Variants in PTGS1 observed in about 807,000 individuals in gnomAD.
PTGS1 encodes the protein prostaglandin-endoperoxide synthase 1.
In PTGS1, 40 loss-of-function variants were observed where a neutral mutation model predicts 63.0. The observed-to-expected ratio is 0.63, with a 90% CI of 0.49 to 0.83. The LOEUF (loss-of-function observed/expected upper bound fraction) is 0.83, where lower values mean the gene tolerates loss of function less well. Ranked by LOEUF, PTGS1 falls within the 40% of genes least tolerant of loss-of-function variation. The pLI is 0.00. For missense variants in PTGS1, 709 were observed against 786.5 expected (o/e 0.90, Z 1.18); for synonymous variants, 298 against 301.9 (o/e 0.99, Z 0.13).
chr9:122,375,161 C>G (rs1237602597), intron 2 of PTGS1, among the ~76,000 whole-genome samples: 1 of 150,074 alleles, frequency 6.7e-6, no homozygotes, highest in Non-Finnish European at 1.5e-5. Context: ...CCTGGGAGAA[C>G]TTTTCCTGCC....
intron 8 of PTGS1, among the ~76,000 whole-genome samples, chr9:122,384,368 C>T (rs1837740470): frequency 6.6e-6 from 1 of 152,168 alleles, no homozygotes; most frequent in African/African-American, 2.4e-5. Context: ...ACTCCCTTCC[C>T]CCACCTCTGG....
chr9:122,392,570 G>C lies in PTGS1; in HGVS notation c.*26G>C. On this transcript the variant is annotated 3_prime_UTR_variant, in exon 11 of 11. Transcript: ENST00000362012. ...GGGGCAGGAAAGCAGCATTCTGGAG[G>C]GGAGAGCTTTGTGCTTGTCATTCCA... 1.3e-6 allele frequency: 2 copies of C among 1,592,044 alleles called. No homozygotes were observed. The highest frequency in any genetic ancestry group is 1.7e-6 in the Non-Finnish European group (2 of 1,164,904).
chr9:122,383,614 G>A lies in PTGS1; in HGVS notation c.868G>A (p.Val290Met). The stretch of plus-strand genomic sequence containing the variant: ...GAGCCAGATGGCTGTGGGCCAGGAG[G>A]TGTTTGGGCTGCTTCCTGGGCTCAT... ...PQSQMAVGQE[V>M]FGLLPGLMLY... is the part of the protein sequence containing the mutation. The change falls in exon 8 of 11, where the codon GTG becomes ATG. Residue 290 changes from valine to methionine, a missense_variant. Transcript: ENST00000362012. 1 of 1,614,188 alleles carries A rather than the reference G, an allele frequency of 6.2e-7. No individual in the cohort carries two copies. The highest frequency in any genetic ancestry group is 8.5e-7 in the Non-Finnish European group (1 of 1,180,024).
rs766291103 is a variant in PTGS1, at chr9:122,378,591, C to T, written c.352+18C>T. 1 of 1,613,994 alleles carries T rather than the reference C, an allele frequency of 6.2e-7. No individual in the cohort carries two copies. The highest frequency in any genetic ancestry group is 2.2e-5 in the East Asian group (1 of 44,886). On this transcript the variant is annotated intron_variant, in intron 4 of 10. Transcript: ENST00000362012. ...ACTCACAGGTGGGTGTGGGGCAGGGCCCCCTGACCTGGGGGAGCAAGCAAG... is the reference window on the plus strand; with the variant it reads ...ACTCACAGGTGGGTGTGGGGCAGGGTCCCCTGACCTGGGGGAGCAAGCAAG...
At chr9:122,376,444 A>C (rs1837169398) in intron 2 of PTGS1, among the ~76,000 whole-genome samples, 2 of 151,456 alleles carry the variant, frequency 1.3e-5, no homozygotes, top group African/African-American at 4.8e-5. Flanking sequence ...TCTGCTGCCC[A>C]GGTCAAGCCC....
At chr9:122,371,128 T>G in intron 1 of PTGS1, 37 bp downstream of exon 1, 2 of 1,606,304 alleles carry the variant, frequency 1.2e-6, no homozygotes, top group Non-Finnish European at 8.5e-7. Flanking sequence ...GGAATTTTCT[T>G]GGCCTCCTGG....
In PTGS1 at chr9:122,392,531, C is replaced by T. The variant is rs772933961; in HGVS notation, c.1787C>T (p.Ser596Phe). ...GATGGGCCTGCTGTGGAGCGACCAT[C>T]CACAGAGCTCTGAGGGGCAGGAAAG... ...QDDGPAVERP[S>F]TEL Residue 596 changes from serine (S) to phenylalanine (F), a missense_variant, in exon 11 of 11, where the codon TCC becomes TTC. Ser to Phe is a radical substitution (Grantham distance 155). Transcript: ENST00000362012. 6.2e-7 allele frequency: 1 copy of T among 1,613,000 alleles called. No homozygotes were observed. The highest frequency in any genetic ancestry group is 8.5e-7 in the Non-Finnish European group (1 of 1,179,192).
chr9:122,373,295 G>T (rs1446508363), intron 2 of PTGS1, among the ~76,000 whole-genome samples: 1 of 152,208 alleles, frequency 6.6e-6, no homozygotes, highest in Non-Finnish European at 1.5e-5. Context: ...AGAAGGTCTG[G>T]GTTGCCCTCA....
chr9:122,376,706 A>T (rs1180700496), intron 2 of PTGS1, among the ~76,000 whole-genome samples: 1 of 152,162 alleles, frequency 6.6e-6, no homozygotes, highest in Non-Finnish European at 1.5e-5. Context: ...TTTCTGTGTA[A>T]GGTCAGAGAT....
At chr9:122,382,938 G>A (rs1159831465) in intron 7 of PTGS1, among the ~76,000 whole-genome samples, 2 of 152,156 alleles carry the variant, frequency 1.3e-5, no homozygotes, top group African/African-American at 4.8e-5. Context: ...GCTAAGAATG[G>A]GAGAGGGCTT....
At chr9:122,371,392 A>C in intron 2 of PTGS1, 120 bp downstream of exon 2, 2 of 1,496,576 alleles carry the variant, frequency 1.3e-6, no homozygotes, top group Non-Finnish European at 1.8e-6. Context: ...GTGCTGAGAA[A>C]GACTGAGGCT....
chr9:122,383,776 C>G (rs577145816), intron 8 of PTGS1, 21 bp downstream of exon 8: 14 of 1,598,244 alleles, frequency 8.8e-6, no homozygotes, highest in Non-Finnish European at 1.2e-5. Flanking sequence ...CAGACCTGCC[C>G]TGCCCTGGAA....
chr9:122,388,638 A>G (rs1162989402), intron 9 of PTGS1, among the ~76,000 whole-genome samples: 3 of 152,200 alleles, frequency 2.0e-5, no homozygotes, highest in African/African-American at 7.2e-5. Context: ...AGAAGTCTGA[A>G]TTCAAGGTGT....
intron 2 of PTGS1, among the ~76,000 whole-genome samples, chr9:122,376,385 T>C (rs1326528607): frequency 1.3e-5 from 2 of 151,290 alleles, no homozygotes; most frequent in African/African-American, 4.9e-5. Flanking sequence ...TGTGTGTGTG[T>C]GTGTATTTGA....
intron 9 of PTGS1, among the ~76,000 whole-genome samples, chr9:122,387,867 G>C (rs1837971344): frequency 6.6e-6 from 1 of 152,196 alleles, no homozygotes. Flanking sequence ...CTCCCCTGTT[G>C]CCTCACAGTC....
chr9:122,378,268 G>A (rs1248754994), intron 3 of PTGS1, among the ~76,000 whole-genome samples, 165 bp from the exon 4 acceptor site: 1 of 152,166 alleles, frequency 6.6e-6, no homozygotes, highest in Non-Finnish European at 1.5e-5. Context: ...GCCCGGTTCT[G>A]TCTCTGTCAT....
chr9:122,386,598 C>G lies in PTGS1; in HGVS notation c.1162C>G (p.Pro388Ala). 1 of 1,614,198 alleles carries G rather than the reference C, an allele frequency of 6.2e-7. No individual in the cohort carries two copies. The highest frequency in any genetic ancestry group is 1.1e-5 in the South Asian group (1 of 91,084). The change falls in exon 9 of 11, where the codon CCC (proline) becomes GCC (alanine). Residue 388 changes from proline to alanine, a missense_variant. Pro to Ala is a conservative substitution (Grantham distance 27). Transcript: ENST00000362012. Reference sequence around the variant, plus strand: ...GTTCAACCATCTCTACCACTGGCACCCCCTCATGCCTGACTCCTTCAAGGT... The same window carrying G: ...GTTCAACCATCTCTACCACTGGCACGCCCTCATGCCTGACTCCTTCAAGGT... ...MEFNHLYHWH[P>A]LMPDSFKVGS... is the part of the protein sequence containing the mutation.
chr9:122,388,802 T>A (rs149433313), intron 9 of PTGS1, among the ~76,000 whole-genome samples: 39 of 152,358 alleles, frequency 2.6e-4, no homozygotes, highest in African/African-American at 9.1e-4. Flanking sequence ...TTCCTCATTT[T>A]ATAAAGACAC....
chr9:122,374,614 T>C (rs1179163954), intron 2 of PTGS1, among the ~76,000 whole-genome samples: 1 of 152,194 alleles, frequency 6.6e-6, no homozygotes, highest in Non-Finnish European at 1.5e-5. Context: ...CATGAAAACA[T>C]GCAGGATTGA....
Sources: allele counts gnomAD v4.1 joint callset (sites outside exome capture counted in the v4.1 genomes callset), GRCh38; gene constraint gnomAD v4.1.1; transcripts MANE v1.5; gene names NCBI Gene and HGNC (gene_info 2026-07-23, HGNC 2026-07-21).